The following NID1 variants were observed in gnomAD, a reference collection of about 807,000 sequenced individuals.
NID1 encodes nidogen 1, also known as nidogen-1.
In NID1, 76 loss-of-function variants were observed where a neutral mutation model predicts 130.6. That is an observed-to-expected ratio of 0.58 (90% confidence interval 0.48 to 0.70). The LOEUF is 0.70. Ranked by LOEUF, NID1 falls within the 30% of genes least tolerant of loss-of-function variation. NID1 has a pLI of 0.00. For missense variants in NID1, 1,517 were observed against 1,664.8 expected (o/e 0.91, Z 1.54); for synonymous variants, 665 against 675.1 (o/e 0.98, Z 0.23).
intron 1 of NID1, 116 bp downstream of exon 1, chr1:236,064,739 C>A: frequency 1.1e-6 from 1 of 895,934 alleles, no homozygotes; most frequent in South Asian, 1.8e-5. Context: ...CCCGGTGCCC[C>A]GGCGGCCAGC....
chr1:236,043,658 C>A (rs1256773475), intron 3 of NID1, among the ~76,000 whole-genome samples: 3 of 151,918 alleles, frequency 2.0e-5, no homozygotes, highest in Non-Finnish European at 4.4e-5. Flanking sequence ...ATTAGCTGGG[C>A]GTGGTGGTGG....
chr1:236,033,131 A>T (rs936129943), intron 5 of NID1, among the ~76,000 whole-genome samples: 5 of 152,184 alleles, frequency 3.3e-5, no homozygotes, highest in Non-Finnish European at 7.3e-5. Flanking sequence ...AATACGGCGA[A>T]ACCCTGTCTC....
chr1:235,986,291 T>C lies in NID1; in HGVS notation c.2929-786A>G, dbSNP rs1283810930. Among the ~76,000 whole-genome samples the C allele has an allele frequency of 1.6e-4, 25 of 152,308 alleles. No homozygotes were observed. In the East Asian group the frequency reaches 4.0e-3, roughly 25 times the overall value. ...TATTCTAAGATAATATGGTTATTTA[T>C]GTAGAAAGTCATGGGGAATCTATAA... On this transcript the variant is annotated intron_variant, in intron 14 of 19. Coordinates refer to ENST00000264187, the MANE Select transcript of NID1 (RefSeq NM_002508.3).
chr1:235,977,479 A>C lies in NID1; in HGVS notation c.*388T>G, dbSNP rs1433176240. 1 of 169,424 alleles carries C rather than the reference A, an allele frequency of 5.9e-6. No individual in the cohort carries two copies. The highest frequency in any genetic ancestry group is 2.4e-5 in the African/African-American group (1 of 41,920). 10.5% of individuals were successfully genotyped at this position (169,424 alleles called of 1,614,324 possible). A position where few individuals can be genotyped will look rare whatever the true frequency, so the allele number is the denominator to read the frequency against. ...GAGCTGACAGGACGGTGGGTACCTC[A>C]AAGCGAGGCTGAGCTCATAAGGCCA... On this transcript the variant is annotated 3_prime_UTR_variant, in exon 20 of 20. Coordinates refer to ENST00000264187, the MANE Select transcript of NID1 (RefSeq NM_002508.3).
intron 12 of NID1, 112 bp from the exon 13 acceptor site, chr1:235,993,984 G>C: frequency 1.2e-6 from 1 of 826,038 alleles, no homozygotes; most frequent in Non-Finnish European, 1.9e-6. Flanking sequence ...GGCTGCCTGT[G>C]TGTCACTGGG....
chr1:236,046,352 G>T (rs1260997533), intron 2 of NID1, among the ~76,000 whole-genome samples: 1 of 152,170 alleles, frequency 6.6e-6, no homozygotes, highest in Non-Finnish European at 1.5e-5. Context: ...AGGCTGACAT[G>T]TGAAGAAAAC....
intron 14 of NID1, among the ~76,000 whole-genome samples, chr1:235,988,219 T>C (rs1333014069): frequency 6.6e-6 from 1 of 152,118 alleles, no homozygotes; most frequent in Non-Finnish European, 1.5e-5. Context: ...GATCAAAAAA[T>C]AGGCAAAAGG....
intron 12 of NID1, among the ~76,000 whole-genome samples, chr1:236,007,326 C>T (rs1240803676): frequency 6.6e-6 from 1 of 152,162 alleles, no homozygotes. Flanking sequence ...TAATAAACTC[C>T]CCTATGTTAC....
intron 12 of NID1, among the ~76,000 whole-genome samples, chr1:236,010,802 G>C (rs1386074050): frequency 2.0e-5 from 3 of 152,192 alleles, no homozygotes; most frequent in Non-Finnish European, 4.4e-5. Flanking sequence ...AAATAATTTA[G>C]ACTAACGATA....
intron 1 of NID1, among the ~76,000 whole-genome samples, chr1:236,057,011 C>T (rs1230510816): frequency 6.6e-6 from 1 of 152,196 alleles, no homozygotes; most frequent in African/African-American, 2.4e-5. Flanking sequence ...ATAATCCCAG[C>T]ACTTTGGGAG....
In NID1 at chr1:236,065,036, G is replaced by A; in HGVS notation, c.44C>T (p.Ala15Val). ...SSRIRAAWTR[A>V]LLLPLLLAGP... ...CGCCAGCAGCAGCGGCAGCAGCAGC[G>A]CCCGCGTCCACGCAGCCCGGATCCG... The change falls in exon 1 of 20, where the codon GCG becomes GTG. Residue 15 changes from alanine to valine, a missense_variant. By Grantham distance (64) the Ala-to-Val change is moderately conservative. Coordinates refer to ENST00000264187, the MANE Select transcript of NID1 (RefSeq NM_002508.3). This position sits in a 1 kb window ranked among gnomAD's most constrained non-coding sequence, Gnocchi z 4.1. 1.3e-6 allele frequency: 2 copies of A among 1,556,602 alleles called. No individual in the cohort carries two copies. Among genetic ancestry groups the A allele is most frequent in the South Asian group, 1.2e-5 (1 of 84,892 alleles).
At chr1:236,025,818 A>G (rs1658912681) in intron 8 of NID1, 78 bp downstream of exon 8, 2 of 1,548,952 alleles carry the variant, frequency 1.3e-6, no homozygotes, top group African/African-American at 1.4e-5. Flanking sequence ...TGAGAGTAAG[A>G]GACCAAAAAC....
chr1:236,037,566 G>A (rs1017989636), intron 5 of NID1, among the ~76,000 whole-genome samples: 3 of 152,010 alleles, frequency 2.0e-5, no homozygotes, highest in African/African-American at 7.3e-5. Context: ...GCTGAGGCAG[G>A]AGAATCACTT....
intron 9 of NID1, among the ~76,000 whole-genome samples, chr1:236,022,391 T>C (rs1355661138): frequency 7.1e-6 from 1 of 141,624 alleles, no homozygotes; most frequent in East Asian, 2.1e-4. Context: ...CAGGCTGGAG[T>C]GGAGTGGTGT....
At position 236,002,678 on chromosome 1, in the gene NID1, C is replaced by T. The variant is rs974536859; in HGVS notation, c.2528-8806G>A. On this transcript the variant is annotated intron_variant, in intron 12 of 19. Transcript: ENST00000264187. ...AAGAAATTCCAAGCATTGGTGAGGA[C>T]GGTTGCCTTTGTGCTTCCTGGGGTT... Among the ~76,000 whole-genome samples, 5 of 152,122 alleles carry T rather than the reference C, an allele frequency of 3.3e-5. No individual in the cohort carries two copies. In the East Asian group the frequency reaches 5.8e-4, roughly 18 times the overall value.
rs780089522 is a variant in NID1 at position 236,024,193 on chromosome 1, G to T, written c.2005C>A (p.Gln669Lys). Reference protein sequence around the residue: ...PVREGSPDALQNPCYIGTHGC... With the variant: ...PVREGSPDALKNPCYIGTHGC... ...TGAGTGCCGATGTAGCAGGGATTCT[G>T]AAGAGCATCAGGGGAGCCTTCTGTG... Residue 669 changes from glutamine (Q) to lysine (K), a missense_variant, in exon 9 of 20, where the codon CAG becomes AAG. By Grantham distance (53) the Gln-to-Lys change is moderately conservative. Transcript: ENST00000264187. 2 of 1,614,264 alleles carry T rather than the reference G, an allele frequency of 1.2e-6. No individual in the cohort carries two copies. Among genetic ancestry groups the T allele is most frequent in the South Asian group, 2.2e-5 (2 of 91,090 alleles).
chr1:236,009,513 T>C (rs143598976), intron 12 of NID1, among the ~76,000 whole-genome samples: 1 of 152,298 alleles, frequency 6.6e-6, no homozygotes, highest in East Asian at 1.9e-4. Context: ...GCCCTGAACT[T>C]TTCATTTCTC....
At chr1:235,983,655 C>A (rs537734075) in intron 15 of NID1, among the ~76,000 whole-genome samples, 1 of 152,196 alleles carries the variant, frequency 6.6e-6, no homozygotes, top group African/African-American at 2.4e-5. Flanking sequence ...GCCTTGGTCC[C>A]GATCTCAAAC....
chr1:235,978,224 G>A (rs1203470976), intron 19 of NID1, among the ~76,000 whole-genome samples: 2 of 152,210 alleles, frequency 1.3e-5, no homozygotes, highest in Non-Finnish European at 2.9e-5. Flanking sequence ...GGGTTATGCA[G>A]ATTTTCTACT....
Sources: allele counts gnomAD v4.1 joint callset (sites outside exome capture counted in the v4.1 genomes callset), GRCh38; gene constraint gnomAD v4.1.1; non-coding constraint Gnocchi (gnomAD v3.1); transcripts MANE v1.5; gene names NCBI Gene and HGNC (gene_info 2026-07-23, HGNC 2026-07-21).